Variants in MSH6 observed in about 807,000 individuals in gnomAD.
MSH6 encodes DNA mismatch repair protein Msh6.
In MSH6, 85 loss-of-function variants were observed where a neutral mutation model predicts 119.1. The observed-to-expected ratio is 0.71, with a 90% CI of 0.60 to 0.85. The LOEUF (loss-of-function observed/expected upper bound fraction) is 0.85, where lower values mean the gene tolerates loss of function less well. MSH6 is among the 40% of genes least tolerant of loss of function. The pLI, the probability that MSH6 is intolerant of heterozygous loss-of-function variation, is 0.00. For missense variants in MSH6, 2,163 were observed against 1,655.3 expected (o/e 1.31, Z -5.32); for synonymous variants, 830 against 586.9 (o/e 1.41, Z -5.99).
rs368318845 is a variant in MSH6 at position 47,798,849 on chromosome 2, G to A, written c.866G>A (p.Gly289Asp). ...SSGVGDSESEGLNSPVKVARK... is the reference protein window; with the variant it reads ...SSGVGDSESEDLNSPVKVARK... ...GGAGTGGGGGATAGTGAGAGTGAAGGCCTGAACAGCCCTGTCAAAGTTGCT... is the reference window on the plus strand; with the variant it reads ...GGAGTGGGGGATAGTGAGAGTGAAGACCTGAACAGCCCTGTCAAAGTTGCT... Residue 289 changes from glycine to aspartate, a missense_variant, in exon 4 of 10, where the codon GGC (glycine) becomes GAC (aspartate). Coordinates refer to ENST00000234420, the MANE Select transcript of MSH6 (RefSeq NM_000179.3). 2.2e-4 allele frequency: 350 copies of A among 1,614,052 alleles called. No individual in the cohort carries two copies. Among genetic ancestry groups the A allele is most frequent in the Non-Finnish European group, 2.7e-4 (320 of 1,180,044 alleles).
At chr2:47,793,567 A>C (rs1668884934) in intron 2 of MSH6, among the ~76,000 whole-genome samples, 2 of 150,358 alleles carry the variant, frequency 1.3e-5, no homozygotes, top group African/African-American at 4.9e-5. Context: ...AGATCGCGCC[A>C]CTGCACTCCA....
chr2:47,788,906 C>CTTTTTTTTT (rs1491155839), intron 1 of MSH6, among the ~76,000 whole-genome samples: 220 of 15,804 alleles, frequency 0.014, 24 homozygotes, highest in South Asian at 0.041. Context: ...CTTTCTTCTT[C>CTTTTTTTTT]CTTTTTTTTT....
Position 47,783,501 on chromosome 2 carries a change from G to C in MSH6, c.260+8G>C, listed in dbSNP as rs2103945640. On this transcript the variant is annotated splice_region_variant and intron_variant, in intron 1 of 9. Coordinates refer to ENST00000234420, the MANE Select transcript of MSH6 (RefSeq NM_000179.3). The stretch of plus-strand genomic sequence containing the variant: ...GCCTGCTGCCCCCACCAGGTAGCGG[G>C]GTGGGGGTGGGGTCGAAGGCGGGGG... The C allele has an allele frequency of 1.4e-6, 2 of 1,426,540 alleles. No homozygotes were observed. The highest frequency in any genetic ancestry group is 3.1e-5 in the Admixed American group (1 of 32,530). 88.4% of individuals were successfully genotyped at this position (1,426,540 alleles called of 1,614,324 possible). A position where few individuals can be genotyped will look rare whatever the true frequency, so the allele number is the denominator to read the frequency against.
In MSH6 at chr2:47,800,380, G is replaced by A. The variant is rs1669457095; in HGVS notation, c.2397G>A (p.Met799Ile). Residue 799 changes from methionine to isoleucine, a missense_variant, in exon 4 of 10, where the codon ATG becomes ATA. Physicochemically the swap from Met to Ile is conservative, Grantham distance 10. Transcript: ENST00000234420. Reference sequence around the variant, plus strand: ...GTCTAGATGCCATAGAAGACCTCATGGTTGTGCCTGACAAAATCTCCGAAG... The same window carrying A: ...GTCTAGATGCCATAGAAGACCTCATAGTTGTGCCTGACAAAATCTCCGAAG... ...NDRLDAIEDL[M>I]VVPDKISEVV... 6.2e-7 allele frequency: 1 copy of A among 1,614,026 alleles called. No homozygotes were observed. Among genetic ancestry groups the A allele is most frequent in the Non-Finnish European group, 8.5e-7 (1 of 1,180,022 alleles).
intron 4 of MSH6, among the ~76,000 whole-genome samples, chr2:47,802,635 G>GTTT (rs527836963): frequency 6.4e-4 from 74 of 115,918 alleles, no homozygotes; most frequent in African/African-American, 2.1e-3. Context: ...GCCCAGCCCT[G>GTTT]TTTTTTTTTT....
chr2:47,800,110 T>C lies in MSH6; in HGVS notation c.2127T>C (p.Tyr709=). ...ELLSMANFEE[Y]IPLDSDTVST... ...TATCAATGGCTAATTTTGAAGAATA[T>C]ATTCCCTTGGATTCTGACACAGTCA... The change falls in exon 4 of 10, where the codon TAT becomes TAC. Residue 709 remains tyrosine (Y), a synonymous_variant. Transcript: ENST00000234420. 1.9e-6 allele frequency: 3 copies of C among 1,614,186 alleles called. No homozygotes were observed. The highest frequency in any genetic ancestry group is 2.5e-6 in the Non-Finnish European group (3 of 1,180,026).
rs869312799 is a variant in MSH6, at chr2:47,805,671, G to A, written c.3610G>A (p.Ala1204Thr). 2 of 1,613,412 alleles carry A rather than the reference G, an allele frequency of 1.2e-6. No individual in the cohort carries two copies. Among genetic ancestry groups the A allele is most frequent in the Non-Finnish European group, 8.5e-7 (1 of 1,179,566 alleles). The change falls in exon 7 of 10, where the codon GCA becomes ACA. Residue 1204 changes from alanine to threonine, a missense_variant. Ala to Thr is a moderately conservative substitution (Grantham distance 58, BLOSUM62 0). Coordinates refer to ENST00000234420, the MANE Select transcript of MSH6 (RefSeq NM_000179.3). ...LSETASILMHATAHSLVLVDE... is the reference protein window; with the variant it reads ...LSETASILMHTTAHSLVLVDE... Reference sequence around the variant, plus strand: ...TGAAACTGCCAGCATACTCATGCATGCAACAGCACATTCTCTGGTGCTTGT... The same window carrying A: ...TGAAACTGCCAGCATACTCATGCATACAACAGCACATTCTCTGGTGCTTGT...
At chr2:47,805,565 A>G in intron 6 of MSH6, 53 bp from the exon 7 acceptor site, 2 of 1,161,724 alleles carry the variant, frequency 1.7e-6, no homozygotes, top group Non-Finnish European at 2.6e-6. Context: ...AGATGAATTT[A>G]TGTAATATGA....
chr2:47,784,101 C>A (rs1350806609), intron 1 of MSH6: 1 of 1,005,168 alleles, frequency 9.9e-7, no homozygotes, highest in Non-Finnish European at 1.2e-6. Context: ...GGGCCTTCGG[C>A]CTAGGTGAGG....
At position 47,799,175 on chromosome 2, in the gene MSH6, G is replaced by T. The variant is rs780350978; in HGVS notation, c.1192G>T (p.Val398Leu). Residue 398 changes from valine to leucine, a missense_variant, in exon 4 of 10, where the codon GTG becomes TTG. By Grantham distance (32) the Val-to-Leu change is conservative. Coordinates refer to ENST00000234420, the MANE Select transcript of MSH6 (RefSeq NM_000179.3). ...HPDFDASTLY[V>L]PEDFLNSCTP... Reference sequence around the variant, plus strand: ...CGATTTTGATGCATCTACACTCTATGTGCCTGAGGATTTCCTCAATTCTTG... The same window carrying T: ...CGATTTTGATGCATCTACACTCTATTTGCCTGAGGATTTCCTCAATTCTTG... 1.9e-6 allele frequency: 3 copies of T among 1,614,170 alleles called. No homozygotes were observed. Among genetic ancestry groups the T allele is most frequent in the Non-Finnish European group, 8.5e-7 (1 of 1,180,014 alleles).
rs1553413349 is a variant in MSH6, at chr2:47,799,968, T to A, written c.1985T>A (p.Met662Lys). 2 of 1,614,018 alleles carry A rather than the reference T, an allele frequency of 1.2e-6. No individual in the cohort carries two copies. The highest frequency in any genetic ancestry group is 2.2e-5 in the East Asian group (1 of 44,888). Residue 662 changes from methionine to lysine, a missense_variant, in exon 4 of 10, where the codon ATG becomes AAG. Coordinates refer to ENST00000234420, the MANE Select transcript of MSH6 (RefSeq NM_000179.3). ...ATGTTACCCCAGGTGCTTAAAGGTATGACTTCAGAGTCTGATTCCATTGGG... is the reference window on the plus strand; with the variant it reads ...ATGTTACCCCAGGTGCTTAAAGGTAAGACTTCAGAGTCTGATTCCATTGGG... ...GVMLPQVLKG[M>K]TSESDSIGLT...
chr2:47,795,450 A>G (rs200493761), intron 2 of MSH6, among the ~76,000 whole-genome samples: 29 of 107,314 alleles, frequency 2.7e-4, no homozygotes, highest in African/African-American at 3.5e-4. Flanking sequence ...GTGTGTGTGT[A>G]TACATATATA....
chr2:47,801,638 A>T (rs779272856), intron 4 of MSH6, among the ~76,000 whole-genome samples: 1 of 151,720 alleles, frequency 6.6e-6, no homozygotes, highest in Non-Finnish European at 1.5e-5. Flanking sequence ...CAAAGTGCTG[A>T]GGTTACAGGC....
At chr2:47,795,282 G>C (rs918583891) in intron 2 of MSH6, among the ~76,000 whole-genome samples, 1 of 151,986 alleles carries the variant, frequency 6.6e-6, no homozygotes, top group African/African-American at 2.4e-5. Context: ...GTTTTTCCCT[G>C]AATATTTATT....
intron 4 of MSH6, among the ~76,000 whole-genome samples, chr2:47,803,198 G>T (rs1405132643): frequency 1.3e-5 from 2 of 152,166 alleles, no homozygotes; most frequent in South Asian, 2.1e-4. Context: ...GATTACAGGC[G>T]TGAGCCACCG....
chr2:47,808,740 C>T (rs1670401533), downstream of MSH6: 1 of 320,160 alleles, frequency 3.1e-6, no homozygotes. Context: ...GTCACAGTGA[C>T]TGGGATATAT....
chr2:47,807,358 C>T, downstream of MSH6: 1 of 211,080 alleles, frequency 4.7e-6, no homozygotes, highest in Non-Finnish European at 9.6e-6. Context: ...TGCATCCCTT[C>T]CTAGGAAGTC....
At chr2:47,809,294 A>T, downstream of MSH6, 1 of 1,366,974 alleles carries the variant, frequency 7.3e-7, no homozygotes, top group Non-Finnish European at 1.0e-6. Flanking sequence ...ATAAGTAAAA[A>T]TTCAGAGGAA....
chr2:47,804,141 T>G (rs2651765), intron 5 of MSH6, among the ~76,000 whole-genome samples: 25,903 of 152,010 alleles, frequency 0.17, 2,622 homozygotes, highest in Non-Finnish European at 0.22. Flanking sequence ...CCCTTTTTTT[T>G]TTGTTGTTGC....
Sources: gnomAD v4.1 joint callset for allele counts (sites outside exome capture counted in the v4.1 genomes callset) on GRCh38, gnomAD v4.1.1 for gene constraint, MANE v1.5 for transcripts, NCBI Gene and HGNC (gene_info 2026-07-23, HGNC 2026-07-21) for gene names.